SAMD4A: variants seen among roughly 807,000 people sequenced by gnomAD.
SAMD4A encodes the protein protein Smaug homolog 1.
Under a neutral mutation model 81.3 loss-of-function variants are expected in SAMD4A, and 33 were observed. That is an observed-to-expected ratio of 0.41 (90% CI 0.31 to 0.54). The LOEUF (loss-of-function observed/expected upper bound fraction) is 0.54, where lower values mean the gene tolerates loss of function less well. Ranked by LOEUF, SAMD4A falls within the 20% of genes least tolerant of loss-of-function variation. The pLI, the probability that SAMD4A is intolerant of heterozygous loss-of-function variation, is 0.37. For synonymous variants in SAMD4A, 389 were observed against 382.1 expected, an observed-to-expected ratio of 1.02 and a Z score of -0.21; for missense variants, 854 against 951.1, an observed-to-expected ratio of 0.90 and a Z score of 1.34.
rs371349552 is a variant in SAMD4A at position 54,779,020 on chromosome 14, C to T, written c.2044+2480C>T. Among the ~76,000 whole-genome samples, 124 of 152,248 alleles carry T rather than the reference C, an allele frequency of 8.1e-4. 3 individuals carry two copies. The South Asian group carries it at 0.02, about 25-fold the overall frequency. On this transcript the variant is annotated intron_variant, in intron 11 of 12. Coordinates refer to ENST00000554335, the MANE Select transcript of SAMD4A (RefSeq NM_015589.6). ...AAGGAGGCAGCCTCCTACCCAGGGA[C>T]GACACCTCTGACCTCCAAGCAGGTC... is the stretch of plus-strand genomic sequence containing the variant.
intron 2 of SAMD4A, among the ~76,000 whole-genome samples, chr14:54,586,906 T>C (rs889772601): frequency 2.0e-5 from 3 of 152,216 alleles, no homozygotes; most frequent in Admixed American, 6.5e-5. Flanking sequence ...GCTTTGGCTA[T>C]GTGGGCTCTT....
At chr14:54,728,866 T>G (rs551521268) in intron 3 of SAMD4A, among the ~76,000 whole-genome samples, 1 of 152,276 alleles carries the variant, frequency 6.6e-6, no homozygotes, top group South Asian at 2.1e-4. Context: ...GCCGTAGGAT[T>G]TAGGCATCCT....
intron 5 of SAMD4A, 23 bp from the exon 6 acceptor site, chr14:54,751,426 AAT>A: frequency 7.3e-7 from 1 of 1,372,502 alleles, no homozygotes; most frequent in South Asian, 1.2e-5. Flanking sequence ...TATACATTTA[AAT>A]GTAACTTGTT....
chr14:54,716,643 T>C (rs976383412), intron 3 of SAMD4A, among the ~76,000 whole-genome samples: 4 of 152,190 alleles, frequency 2.6e-5, no homozygotes, highest in African/African-American at 9.6e-5. Flanking sequence ...AGGTCCTCAG[T>C]TCCTGAGGGT....
chr14:54,744,480 A>G (rs2037919774), intron 4 of SAMD4A, among the ~76,000 whole-genome samples: 2 of 152,240 alleles, frequency 1.3e-5, no homozygotes, highest in South Asian at 2.1e-4. Context: ...TCCCACTGGT[A>G]AAGACCAGCA....
intron 3 of SAMD4A, among the ~76,000 whole-genome samples, chr14:54,729,531 G>T (rs554917928): frequency 6.6e-6 from 1 of 152,266 alleles, no homozygotes; most frequent in East Asian, 1.9e-4. Flanking sequence ...CCTACTTGGT[G>T]AAATAATAAA....
intron 2 of SAMD4A, among the ~76,000 whole-genome samples, chr14:54,674,537 GGT>G (rs2035950087): frequency 6.6e-6 from 1 of 151,822 alleles, no homozygotes; most frequent in South Asian, 2.1e-4. Context: ...TGTAGATACT[GGT>G]GTGGTTTCTA....
At chr14:54,580,333 C>T (rs2033427973) in intron 2 of SAMD4A, among the ~76,000 whole-genome samples, 1 of 152,206 alleles carries the variant, frequency 6.6e-6, no homozygotes, top group Non-Finnish European at 1.5e-5. Context: ...CATTTCCAGA[C>T]TCCCCCACCC....
chr14:54,568,934 G>T (rs1233439346), intron 2 of SAMD4A, among the ~76,000 whole-genome samples: 1 of 151,808 alleles, frequency 6.6e-6, no homozygotes, highest in African/African-American at 2.4e-5. Flanking sequence ...TATGGAAAGT[G>T]AATATAGTCG....
At chr14:54,597,953 T>C (rs1355124037) in intron 2 of SAMD4A, among the ~76,000 whole-genome samples, 1 of 152,152 alleles carries the variant, frequency 6.6e-6, no homozygotes, top group Non-Finnish European at 1.5e-5. Context: ...TTTATAATCC[T>C]TGGTCTCCAT....
intron 2 of SAMD4A, among the ~76,000 whole-genome samples, chr14:54,661,732 C>T (rs2035646477): frequency 1.3e-5 from 2 of 152,264 alleles, no homozygotes; most frequent in South Asian, 2.1e-4. Flanking sequence ...TTAGTGGGAG[C>T]GTGTGGATGA....
At chr14:54,696,652 G>A (rs1469169353) in intron 2 of SAMD4A, among the ~76,000 whole-genome samples, 2 of 152,050 alleles carry the variant, frequency 1.3e-5, no homozygotes, top group Non-Finnish European at 2.9e-5. Flanking sequence ...TACCAGACTT[G>A]GTATTTAAAC....
At chr14:54,730,413 T>C (rs567162656) in intron 3 of SAMD4A, among the ~76,000 whole-genome samples, 1 of 152,352 alleles carries the variant, frequency 6.6e-6, no homozygotes, top group Admixed American at 6.5e-5. Flanking sequence ...TCACCGAAAG[T>C]GTGTGGCTTC....
intron 2 of SAMD4A, among the ~76,000 whole-genome samples, chr14:54,668,006 C>G (rs1001270237): frequency 1.3e-5 from 2 of 152,190 alleles, no homozygotes; most frequent in Non-Finnish European, 2.9e-5. Context: ...CCCCGGCCCT[C>G]CCGCAGGCTG....
At position 54,750,907 on chromosome 14, in the gene SAMD4A, C is replaced by T. The variant is rs554618318; in HGVS notation, c.1090-544C>T. ...TCTCTCTCTAAGATACAGGAAGATA[C>T]GAATACAGATAAAAAGCACAGTCAA... On this transcript the variant is annotated intron_variant, in intron 5 of 12. Coordinates refer to ENST00000554335, the MANE Select transcript of SAMD4A (RefSeq NM_015589.6). Among the ~76,000 whole-genome samples, 10 of 152,230 alleles carry T rather than the reference C, an allele frequency of 6.6e-5. No individual in the cohort carries two copies. In the South Asian group the frequency reaches 8.3e-4, roughly 13 times the overall value.
intron 2 of SAMD4A, among the ~76,000 whole-genome samples, chr14:54,575,253 G>T (rs1020408671): frequency 3.3e-5 from 5 of 152,128 alleles, no homozygotes; most frequent in Non-Finnish European, 7.4e-5. Context: ...GCAGATCTGG[G>T]ATCAGAATCT....
intron 2 of SAMD4A, among the ~76,000 whole-genome samples, chr14:54,588,008 C>A (rs562966793): frequency 6.6e-6 from 1 of 152,184 alleles, no homozygotes; most frequent in South Asian, 2.1e-4. Flanking sequence ...GAACCTGTCT[C>A]GTCCTGGACT....
At chr14:54,613,321 G>A (rs1422147811) in intron 2 of SAMD4A, among the ~76,000 whole-genome samples, 5 of 152,182 alleles carry the variant, frequency 3.3e-5, no homozygotes, top group Admixed American at 2.0e-4. Flanking sequence ...AGACCAGAGG[G>A]AGGTGGGAGC....
At position 54,606,986 on chromosome 14, in the gene SAMD4A, C is replaced by T. The variant is rs149826930; in HGVS notation, c.196+38874C>T. Among the ~76,000 whole-genome samples, 1,140 of 152,322 alleles carry T rather than the reference C, an allele frequency of 7.5e-3. 8 individuals are homozygous for T. Among genetic ancestry groups the T allele is most frequent in the Non-Finnish European group, 0.012 (783 of 68,034 alleles). On this transcript the variant is annotated intron_variant, in intron 2 of 12. Transcript: ENST00000554335. ...GGTGCAGCCTGCCAGTGGAGATTCT[C>T]AGGGAGTGGACTCACCAGAGCTGGG...
Sources: allele counts gnomAD v4.1 joint callset (sites outside exome capture counted in the v4.1 genomes callset), GRCh38; gene constraint gnomAD v4.1.1; transcripts MANE v1.5; gene names NCBI Gene and HGNC (gene_info 2026-07-23, HGNC 2026-07-21).